The following FHIT variants were observed in gnomAD, a reference collection of about 807,000 sequenced individuals.
FHIT encodes the protein fragile histidine triad diadenosine triphosphatase.
A neutral mutation model predicts 17.9 loss-of-function variants in FHIT; 19 were observed. The observed-to-expected ratio is 1.06, with a 90% CI of 0.74 to 1.56. The LOEUF (loss-of-function observed/expected upper bound fraction) is 1.56, where lower values mean the gene tolerates loss of function less well. Among genes scored for constraint, FHIT ranks in the 40% most tolerant of loss-of-function variants. FHIT has a pLI of 0.00. For synonymous variants in FHIT, 81 were observed against 69.7 expected (o/e 1.16, Z -0.81); for missense variants, 248 against 189.2 (o/e 1.31, Z -1.82).
intron 5 of FHIT, among the ~76,000 whole-genome samples, chr3:60,237,938 G>A (rs1312565831): frequency 6.6e-6 from 1 of 151,622 alleles, no homozygotes; most frequent in African/African-American, 2.4e-5. Flanking sequence ...GAGTATGAGA[G>A]TAGCCTGGCC....
At chr3:60,326,525 T>C (rs71313764) in intron 5 of FHIT, among the ~76,000 whole-genome samples, 2 of 152,134 alleles carry the variant, frequency 1.3e-5, no homozygotes, top group Non-Finnish European at 2.9e-5. Context: ...GATGAAGCTT[T>C]GCTCAATTGC....
intron 5 of FHIT, among the ~76,000 whole-genome samples, chr3:60,377,349 G>C (rs530293702): frequency 6.6e-6 from 1 of 151,776 alleles, no homozygotes; most frequent in African/African-American, 2.4e-5. Context: ...AGTAGAGACG[G>C]GGTTTCACCA....
intron 2 of FHIT, among the ~76,000 whole-genome samples, chr3:61,109,584 G>A (rs1173984769): frequency 3.9e-5 from 6 of 152,108 alleles, no homozygotes; most frequent in African/African-American, 9.7e-5. Context: ...CCCATGTCAC[G>A]TTTCCTGTCT....
At chr3:60,195,461 A>G (rs530791433) in intron 5 of FHIT, among the ~76,000 whole-genome samples, 2 of 150,440 alleles carry the variant, frequency 1.3e-5, no homozygotes, top group African/African-American at 4.9e-5. Flanking sequence ...CTGCACACAT[A>G]TATTTATTGC....
intron 3 of FHIT, among the ~76,000 whole-genome samples, chr3:61,009,870 T>C (rs774392080): frequency 1.3e-5 from 2 of 152,194 alleles, no homozygotes; most frequent in Non-Finnish European, 2.9e-5. Context: ...TTACTGTGGT[T>C]ACAAATACCC....
chr3:60,926,443 C>T (rs1553769920), intron 3 of FHIT, among the ~76,000 whole-genome samples: 1 of 152,220 alleles, frequency 6.6e-6, no homozygotes, highest in Non-Finnish European at 1.5e-5. Context: ...GAACAACCTG[C>T]TCCTGAATGA....
intron 5 of FHIT, among the ~76,000 whole-genome samples, chr3:60,102,521 T>A (rs1016845294): frequency 6.6e-6 from 1 of 152,046 alleles, no homozygotes; most frequent in Non-Finnish European, 1.5e-5. Context: ...TCCACATTCC[T>A]CAGCATGTCC....
At chr3:60,055,797 G>A (rs17324031) in intron 5 of FHIT, among the ~76,000 whole-genome samples, 3,175 of 152,258 alleles carry the variant, frequency 0.021, 52 homozygotes, top group South Asian at 0.064. Context: ...GGAACGGGAA[G>A]GCTAACTCGG....
intron 5 of FHIT, among the ~76,000 whole-genome samples, chr3:60,106,603 G>C (rs1427624167): frequency 1.3e-5 from 2 of 152,122 alleles, no homozygotes; most frequent in East Asian, 3.9e-4. Context: ...TGTGGATAAG[G>C]GGGTACTGTT....
intron 2 of FHIT, among the ~76,000 whole-genome samples, chr3:61,113,210 G>T (rs368681873): frequency 6.6e-6 from 1 of 151,812 alleles, no homozygotes; most frequent in African/African-American, 2.4e-5. Context: ...GGGTCTCACT[G>T]TGTTGCCCAG....
intron 5 of FHIT, among the ~76,000 whole-genome samples, chr3:60,392,526 G>A (rs1030274183): frequency 3.3e-5 from 5 of 152,140 alleles, no homozygotes; most frequent in Non-Finnish European, 5.9e-5. Flanking sequence ...AGGCAACATC[G>A]TAGACATCTC....
At chr3:60,237,835 T>C (rs1343267366) in intron 5 of FHIT, among the ~76,000 whole-genome samples, 1 of 152,108 alleles carries the variant, frequency 6.6e-6, no homozygotes, top group Non-Finnish European at 1.5e-5. Flanking sequence ...TAGAGGCAGG[T>C]AGAAATTAAG....
intron 4 of FHIT, among the ~76,000 whole-genome samples, chr3:60,611,730 A>G (rs2856036): frequency 0.86 from 130,286 of 152,198 alleles, 56,049 homozygotes; most frequent in Non-Finnish European, 0.89. Flanking sequence ...GAACTACTGT[A>G]ACCCAATAAC....
At chr3:60,992,426 G>A (rs982097118) in intron 3 of FHIT, among the ~76,000 whole-genome samples, 1 of 152,178 alleles carries the variant, frequency 6.6e-6, no homozygotes, top group Non-Finnish European at 1.5e-5. Flanking sequence ...TATTTCAGGG[G>A]ATCAGAAAGT....
chr3:60,333,121 C>T (rs1276427928), intron 5 of FHIT, among the ~76,000 whole-genome samples: 1 of 152,204 alleles, frequency 6.6e-6, no homozygotes, highest in East Asian at 1.9e-4. Context: ...ACTCTCATGA[C>T]TTATAACATT....
chr3:59,984,950 G>A (rs1348677802), intron 7 of FHIT, among the ~76,000 whole-genome samples: 1 of 152,104 alleles, frequency 6.6e-6, no homozygotes, highest in Non-Finnish European at 1.5e-5. Context: ...TAAGCCAGGT[G>A]TGTTGAGGTC....
intron 5 of FHIT, among the ~76,000 whole-genome samples, chr3:60,421,566 T>A (rs1289524918): frequency 1.3e-5 from 2 of 152,128 alleles, no homozygotes; most frequent in African/African-American, 4.8e-5. Context: ...TATATGCAAT[T>A]ATGCTATAAA....
intron 5 of FHIT, among the ~76,000 whole-genome samples, chr3:60,483,534 C>G (rs181649726): frequency 6.6e-6 from 1 of 152,150 alleles, no homozygotes; most frequent in African/African-American, 2.4e-5. Context: ...ATACGCAACT[C>G]AATAAACGTA....
At chr3:60,145,958 T>C (rs907924801) in intron 5 of FHIT, among the ~76,000 whole-genome samples, 2 of 152,302 alleles carry the variant, frequency 1.3e-5, no homozygotes, top group East Asian at 3.9e-4. Flanking sequence ...ATTACCTCCT[T>C]CAAATATTTT....
Sources: gnomAD v4.1 joint callset for allele counts (sites outside exome capture counted in the v4.1 genomes callset) on GRCh38, gnomAD v4.1.1 for gene constraint, MANE v1.5 for transcripts, NCBI Gene and HGNC (gene_info 2026-07-23, HGNC 2026-07-21) for gene names.